The following KCNH3 variants were observed in gnomAD, a reference collection of about 807,000 sequenced individuals.
KCNH3 encodes the protein potassium voltage-gated channel subfamily H member 3, also known as voltage-gated inwardly rectifying potassium channel KCNH3.
A neutral mutation model predicts 95.6 loss-of-function variants in KCNH3; 36 were observed. The observed-to-expected ratio is 0.38, with a 90% CI of 0.29 to 0.50. The LOEUF (loss-of-function observed/expected upper bound fraction) is 0.50. Ranked by LOEUF, KCNH3 falls within the 20% of genes least tolerant of loss-of-function variation. KCNH3 has a pLI of 0.95. For missense variants in KCNH3, 1,030 were observed against 1,484.1 expected, an observed-to-expected ratio of 0.69 and a Z score of 5.03; for synonymous variants, 620 against 646.3, an observed-to-expected ratio of 0.96 and a Z score of 0.62.
rs763292964 is a variant in KCNH3, at chr12:49,557,409, G to A, written c.2708G>A (p.Arg903His). The change falls in exon 15 of 15, where the codon CGC becomes CAC. Residue 903 changes from arginine (R) to histidine (H), a missense_variant. This residue lies in a region of KCNH3 where 464 missense variants were observed against 493.2 expected (regional missense o/e 0.94). Coordinates refer to ENST00000257981, the MANE Select transcript of KCNH3 (RefSeq NM_012284.3). Reference protein sequence around the residue: ...LQMREGLQSLRQAVQLVLAPH... With the variant: ...LQMREGLQSLHQAVQLVLAPH... ...ATGCGGGAAGGACTGCAGTCACTTC[G>A]CCAGGCTGTGCAGCTTGTCCTGGCG... is the stretch of plus-strand genomic sequence containing the variant. 2.2e-5 allele frequency: 35 copies of A among 1,600,768 alleles called. No individual in the cohort carries two copies. Among genetic ancestry groups the A allele is most frequent in the Middle Eastern group, 1.7e-4 (1 of 6,014 alleles).
At chr12:49,550,362 A>G in intron 10 of KCNH3, 33 bp downstream of exon 10, 1 of 1,575,404 alleles carries the variant, frequency 6.3e-7, no homozygotes, top group Non-Finnish European at 8.6e-7. Flanking sequence ...GCGTGGGGGC[A>G]CGTGTGTGTG....
chr12:49,544,141 T>TCCCCG, intron 6 of KCNH3, 34 bp from the exon 7 acceptor site: 1 of 1,413,418 alleles, frequency 7.1e-7, no homozygotes, highest in Non-Finnish European at 9.7e-7. Flanking sequence ...CCCGCTGACC[T>TCCCCG]CCCTCCCTCC....
intron 7 of KCNH3, among the ~76,000 whole-genome samples, chr12:49,548,113 T>TGTGC (rs1592503585): frequency 6.6e-6 from 1 of 151,652 alleles, no homozygotes; most frequent in East Asian, 1.9e-4. Context: ...TGTGTGTGTG[T>TGTGC]GTGTGTGTGT....
Position 49,549,166 on chromosome 12 carries a change from C to T in KCNH3, c.1461C>T (p.Leu487=), listed in dbSNP as rs140902738. Residue 487 remains leucine, a synonymous_variant, in exon 8 of 15, where the codon CTC becomes CTT. Coordinates refer to ENST00000257981, the MANE Select transcript of KCNH3 (RefSeq NM_012284.3). ...AGATCTTCTCCATCTGCACCATGCTCATCGGCGGTGAGCCCGGCCGCGCGC... is the reference window on the plus strand; with the variant it reads ...AGATCTTCTCCATCTGCACCATGCTTATCGGCGGTGAGCCCGGCCGCGCGC... The part of the protein sequence containing the change: ...TEKIFSICTM[L]IGALMHAVVF... The T allele has an allele frequency of 1.4e-4, 217 of 1,587,396 alleles. 2 individuals carry two copies. In the African/African-American group the frequency reaches 2.4e-3, roughly 17 times the overall value.
At position 49,549,167 on chromosome 12, in the gene KCNH3, A is replaced by C. The variant is rs1447593696; in HGVS notation, c.1462A>C (p.Ile488Leu). 3 of 1,585,768 alleles carry C rather than the reference A, an allele frequency of 1.9e-6. No individual in the cohort carries two copies. Among genetic ancestry groups the C allele is most frequent in the Non-Finnish European group, 2.6e-6 (3 of 1,163,772 alleles). ...GATCTTCTCCATCTGCACCATGCTC[A>C]TCGGCGGTGAGCCCGGCCGCGCGCG... Reference protein sequence around the residue: ...EKIFSICTMLIGALMHAVVFG... With the variant: ...EKIFSICTMLLGALMHAVVFG... Residue 488 changes from isoleucine (I) to leucine (L), a missense_variant, in exon 8 of 15, where the codon ATC (isoleucine) becomes CTC (leucine). Ile to Leu is a conservative substitution (Grantham distance 5). Transcript: ENST00000257981.
chr12:49,557,156 C>T (rs150135371), intron 13 of KCNH3, 27 bp from the exon 14 acceptor site: 1 of 1,612,926 alleles, frequency 6.2e-7, no homozygotes, highest in Non-Finnish European at 8.5e-7. Context: ...CCAGCCCCAG[C>T]TGATAACCCC....
chr12:49,543,547 C>T (rs1162853200), intron 5 of KCNH3, 29 bp downstream of exon 5: 8 of 1,578,808 alleles, frequency 5.1e-6, no homozygotes, highest in Non-Finnish European at 6.9e-6. Context: ...TTCCGCCCCA[C>T]CCTTTGCTGG....
chr12:49,539,708 C>T lies in KCNH3; in HGVS notation c.76+216C>T, dbSNP rs1246152537. On this transcript the variant is annotated intron_variant, in intron 1 of 14. Transcript: ENST00000257981. The surrounding 1 kb of genome is among the most constrained non-coding windows in gnomAD (Gnocchi z 6.7). Reference sequence around the variant, plus strand: ...GTCAACACTGCTTCAGGCGAGGCAACAGGGCCAGAAGTCCCTGGGTGTGGG... The same window carrying T: ...GTCAACACTGCTTCAGGCGAGGCAATAGGGCCAGAAGTCCCTGGGTGTGGG... Among the ~76,000 whole-genome samples the T allele has an allele frequency of 3.3e-5, 5 of 152,174 alleles. No individual in the cohort carries two copies. Among genetic ancestry groups the T allele is most frequent in the African/African-American group, 1.2e-4 (5 of 41,442 alleles).
chr12:49,548,883 T>A lies in KCNH3; in HGVS notation c.1190-12T>A. The A allele has an allele frequency of 3.2e-6, 5 of 1,554,448 alleles. No homozygotes were observed. The highest frequency in any genetic ancestry group is 4.3e-6 in the Non-Finnish European group (5 of 1,150,374). ...CTTCCTGCCTGCTCAGGCCCTGCTG[T>A]TCCCCCCTCAGGCTGGCTGCAGGAG... On this transcript the variant is annotated splice_polypyrimidine_tract_variant and intron_variant, in intron 7 of 14. Coordinates refer to ENST00000257981, the MANE Select transcript of KCNH3 (RefSeq NM_012284.3).
At chr12:49,551,783 G>C (rs888610844) in intron 10 of KCNH3, among the ~76,000 whole-genome samples, 8 of 151,044 alleles carry the variant, frequency 5.3e-5, no homozygotes, top group Non-Finnish European at 8.9e-5. Flanking sequence ...ATTCACTGTG[G>C]GGACTGCTGA....
At chr12:49,541,523 G>A (rs900303595) in intron 2 of KCNH3, 107 bp from the exon 3 acceptor site, 50 of 1,355,720 alleles carry the variant, frequency 3.7e-5, no homozygotes, top group Non-Finnish European at 4.8e-5. Flanking sequence ...CCAGGAAACC[G>A]CTAGATCCTG....
chr12:49,554,201 C>T, intron 10 of KCNH3, 136 bp from the exon 11 acceptor site: 1 of 716,608 alleles, frequency 1.4e-6, no homozygotes. Context: ...CTTTGCTCCT[C>T]TCTCTGCTGG....
rs376089909 is a variant in KCNH3 at position 49,554,219 on chromosome 12, G to C, written c.1919-118G>C. 7.0e-4 allele frequency: 555 copies of C among 792,216 alleles called. 1 individual carries two copies. The African/African-American group carries it at 7.2e-3, about 10-fold the overall frequency. 49.1% of individuals were successfully genotyped at this position (792,216 alleles called of 1,614,324 possible). On this transcript the variant is annotated intron_variant, in intron 10 of 14. Coordinates refer to ENST00000257981, the MANE Select transcript of KCNH3 (RefSeq NM_012284.3). ...TGCTCCTCTCTCTGCTGGCTTCAAG[G>C]CTTCAGCTACAGAGGCCCAGCCCAG... is the stretch of plus-strand genomic sequence containing the variant.
Position 49,539,910 on chromosome 12 carries a change from G to T in KCNH3, c.76+418G>T, listed in dbSNP as rs181279920. Among the ~76,000 whole-genome samples the T allele has an allele frequency of 1.4e-3, 214 of 152,262 alleles. 1 individual carries two copies. The highest frequency in any genetic ancestry group is 4.7e-3 in the African/African-American group (197 of 41,538). On this transcript the variant is annotated intron_variant, in intron 1 of 14. Transcript: ENST00000257981. The surrounding 1 kb of genome is among the most constrained non-coding windows in gnomAD (Gnocchi z 6.7). ...GCTCAAAACACAGATTTAGAAAAGA[G>T]ATTTGCAAACGGAGATAAGAGTAGG...
chr12:49,544,141 T>TA, intron 6 of KCNH3, 34 bp from the exon 7 acceptor site: 6 of 1,413,334 alleles, frequency 4.2e-6, no homozygotes, highest in Non-Finnish European at 5.8e-6. Flanking sequence ...CCCGCTGACC[T>TA]CCCTCCCTCC....
At chr12:49,544,141 T>TGCCAACCCAAC in intron 6 of KCNH3, 34 bp from the exon 7 acceptor site, 4 of 1,413,420 alleles carry the variant, frequency 2.8e-6, no homozygotes, top group Non-Finnish European at 3.9e-6. Context: ...CCCGCTGACC[T>TGCCAACCCAAC]CCCTCCCTCC....
intron 2 of KCNH3, 77 bp from the exon 3 acceptor site, chr12:49,541,553 G>A (rs1937871231): frequency 1.3e-6 from 2 of 1,539,554 alleles, no homozygotes; most frequent in East Asian, 4.5e-5. Context: ...TGCCCGGGAT[G>A]TCAGTGGAGC....
intron 10 of KCNH3, among the ~76,000 whole-genome samples, chr12:49,551,738 G>A (rs886437135): frequency 1.3e-5 from 2 of 152,166 alleles, no homozygotes; most frequent in African/African-American, 2.4e-5. Context: ...CACTGCTGAC[G>A]ACATCGAATC....
intron 7 of KCNH3, among the ~76,000 whole-genome samples, chr12:49,547,043 C>T (rs761634165): frequency 8.6e-5 from 13 of 152,002 alleles, no homozygotes; most frequent in Non-Finnish European, 1.2e-4. Flanking sequence ...TACAGGCATG[C>T]GCCACCATGC....
Sources: gnomAD v4.1 joint callset for allele counts (sites outside exome capture counted in the v4.1 genomes callset) on GRCh38, gnomAD v4.1.1 for gene constraint, gnomAD v4.1.1 regional missense constraint, Gnocchi (gnomAD v3.1) non-coding constraint, MANE v1.5 for transcripts, NCBI Gene and HGNC (gene_info 2026-07-23, HGNC 2026-07-21) for gene names.